The following ASTN2 variants were observed in gnomAD, a reference collection of about 807,000 sequenced individuals.
ASTN2 encodes the protein astrotactin 2, also known as astrotactin-2.
ASTN2 carries 54 observed loss-of-function variants against 139.8 expected under a neutral mutation model. The observed-to-expected ratio is 0.39, with a 90% CI of 0.31 to 0.48. ASTN2 has a LOEUF of 0.48. Among genes scored for constraint, ASTN2 ranks in the 20% least tolerant of loss-of-function variants. The pLI, the probability that ASTN2 is intolerant of heterozygous loss-of-function variation, is 0.95. For missense variants in ASTN2, 1,565 were observed against 1,725.1 expected (o/e 0.91, Z 1.64); for synonymous variants, 756 against 719.5 (o/e 1.05, Z -0.81).
intron 1 of ASTN2, among the ~76,000 whole-genome samples, chr9:117,331,914 C>G (rs553450624): frequency 4.5e-4 from 69 of 152,232 alleles, no homozygotes; most frequent in Non-Finnish European, 6.6e-4. Context: ...TCCTCAACAA[C>G]CCTCCATTCA....
At chr9:116,677,797 AGCTGCTTATTT>A (rs1337151908) in intron 16 of ASTN2, among the ~76,000 whole-genome samples, 4 of 152,258 alleles carry the variant, frequency 2.6e-5, no homozygotes, top group East Asian at 3.9e-4. Flanking sequence ...CTTTGCGTTC[AGCTGCTTATTT>A]GCTGCTTATT....
At chr9:117,386,614 C>A (rs1485402777) in intron 1 of ASTN2, among the ~76,000 whole-genome samples, 2 of 152,092 alleles carry the variant, frequency 1.3e-5, no homozygotes, top group Admixed American at 6.5e-5. Context: ...TGAGGTGGAG[C>A]TGGAAAGGGG....
intron 13 of ASTN2, among the ~76,000 whole-genome samples, chr9:116,785,291 C>A (rs947530533): frequency 2.0e-5 from 3 of 152,142 alleles, no homozygotes; most frequent in Admixed American, 6.5e-5. Flanking sequence ...TCTATCTACT[C>A]CCTAGTGAGT....
chr9:117,212,430 A>T (rs1832165437), intron 3 of ASTN2, among the ~76,000 whole-genome samples: 2 of 152,156 alleles, frequency 1.3e-5, no homozygotes, highest in African/African-American at 4.8e-5. Flanking sequence ...GTCAAACTAA[A>T]AAGCTCCTGC....
At chr9:117,209,617 A>T (rs1449463293) in intron 3 of ASTN2, among the ~76,000 whole-genome samples, 1 of 152,136 alleles carries the variant, frequency 6.6e-6, no homozygotes, top group East Asian at 1.9e-4. Context: ...GGGGACCTCA[A>T]CATTTTATTC....
At chr9:117,382,746 G>A (rs1467879662) in intron 1 of ASTN2, among the ~76,000 whole-genome samples, 2 of 152,172 alleles carry the variant, frequency 1.3e-5, no homozygotes, top group African/African-American at 4.8e-5. Flanking sequence ...AATGAATGCC[G>A]TGAGCACAGA....
chr9:116,463,281 G>A (rs1231390636), intron 20 of ASTN2, among the ~76,000 whole-genome samples: 1 of 152,006 alleles, frequency 6.6e-6, no homozygotes, highest in Admixed American at 6.6e-5. Context: ...TTCTCCAAGG[G>A]TCTTTTTCTG....
intron 4 of ASTN2, among the ~76,000 whole-genome samples, chr9:117,103,001 A>G (rs1204786462): frequency 6.6e-6 from 1 of 152,100 alleles, no homozygotes; most frequent in Non-Finnish European, 1.5e-5. Context: ...TTACATAGCC[A>G]CCTTGAAAGA....
intron 10 of ASTN2, among the ~76,000 whole-genome samples, chr9:116,973,777 T>C (rs766302635): frequency 6.6e-6 from 1 of 152,242 alleles, no homozygotes; most frequent in African/African-American, 2.4e-5. Flanking sequence ...TGAATGTGTG[T>C]GTGAAGCTAT....
chr9:116,741,495 T>C (rs1829095813), intron 13 of ASTN2, among the ~76,000 whole-genome samples: 1 of 152,186 alleles, frequency 6.6e-6, no homozygotes, highest in South Asian at 2.1e-4. Context: ...CCCCCCTCTC[T>C]GACTGAACTG....
At chr9:116,782,946 C>T (rs976414197) in intron 13 of ASTN2, among the ~76,000 whole-genome samples, 1 of 152,132 alleles carries the variant, frequency 6.6e-6, no homozygotes, top group Non-Finnish European at 1.5e-5. Flanking sequence ...AAGTATCTTT[C>T]TTTTGTTAGT....
intron 19 of ASTN2, among the ~76,000 whole-genome samples, chr9:116,541,103 C>G (rs906561058): frequency 3.3e-5 from 5 of 151,986 alleles, no homozygotes; most frequent in African/African-American, 1.2e-4. Flanking sequence ...TATTATTAGG[C>G]TGGTATAGTT....
At chr9:117,410,288 C>T (rs1831124993) in intron 1 of ASTN2, among the ~76,000 whole-genome samples, 1 of 152,170 alleles carries the variant, frequency 6.6e-6, no homozygotes, top group Non-Finnish European at 1.5e-5. Flanking sequence ...ACCCCGGGGG[C>T]TGCCTGGAGG....
At chr9:116,627,605 G>C (rs1856529328) in intron 17 of ASTN2, among the ~76,000 whole-genome samples, 1 of 152,164 alleles carries the variant, frequency 6.6e-6, no homozygotes, top group Non-Finnish European at 1.5e-5. Flanking sequence ...TAGTTTTGCT[G>C]TTCCTAGCCC....
At chr9:116,929,035 C>T (rs368495298) in intron 10 of ASTN2, among the ~76,000 whole-genome samples, 11 of 152,150 alleles carry the variant, frequency 7.2e-5, no homozygotes, top group South Asian at 2.1e-4. Context: ...TCCTCACATA[C>T]GCCTCCCAGT....
chr9:117,047,852 T>C (rs557518444), intron 5 of ASTN2, among the ~76,000 whole-genome samples: 6 of 152,156 alleles, frequency 3.9e-5, no homozygotes, highest in African/African-American at 1.4e-4. Context: ...TAATTGTTAT[T>C]ATTATTATCA....
chr9:117,252,148 A>G (rs1303614058), intron 2 of ASTN2, among the ~76,000 whole-genome samples: 1 of 152,168 alleles, frequency 6.6e-6, no homozygotes, highest in Non-Finnish European at 1.5e-5. Context: ...AATCAAATGG[A>G]GATCAAGGCC....
At chr9:116,812,746 G>C (rs1831199986) in intron 12 of ASTN2, among the ~76,000 whole-genome samples, 1 of 152,036 alleles carries the variant, frequency 6.6e-6, no homozygotes, top group South Asian at 2.1e-4. Context: ...AGTGGTGCTG[G>C]GAATCAAAAC....
At chr9:117,329,011 G>A (rs776660339) in intron 1 of ASTN2, among the ~76,000 whole-genome samples, 29 of 152,134 alleles carry the variant, frequency 1.9e-4, no homozygotes, top group Admixed American at 6.6e-4. Flanking sequence ...ATTCAGAGAA[G>A]GAAAATGTGG....
Sources: allele counts gnomAD v4.1 joint callset (sites outside exome capture counted in the v4.1 genomes callset), GRCh38; gene constraint gnomAD v4.1.1; transcripts MANE v1.5; gene names NCBI Gene and HGNC (gene_info 2026-07-23, HGNC 2026-07-21).